The following ABCC2 variants were observed in gnomAD, a reference collection of about 807,000 sequenced individuals.
ABCC2 encodes ATP binding cassette subfamily C member 2, also known as ATP-binding cassette sub-family C member 2.
Under a neutral mutation model 173.4 loss-of-function variants are expected in ABCC2, and 157 were observed. The observed-to-expected ratio is 0.91, with a 90% CI of 0.80 to 1.03. The LOEUF (loss-of-function observed/expected upper bound fraction) is 1.03, where lower values mean the gene tolerates loss of function less well. ABCC2 is among the 50% of genes least tolerant of loss of function. The pLI is 0.00. For missense variants in ABCC2, 1,822 were observed against 1,852.3 expected (o/e 0.98, Z 0.30); for synonymous variants, 657 against 693.5 (o/e 0.95, Z 0.83).
At chr10:99,817,731 G>A (rs2038448079) in intron 17 of ABCC2, among the ~76,000 whole-genome samples, 1 of 152,132 alleles carries the variant, frequency 6.6e-6, no homozygotes, top group Non-Finnish European at 1.5e-5. Flanking sequence ...AGATGATGAG[G>A]CAAAGGCCAT....
intron 7 of ABCC2, 129 bp downstream of exon 7, chr10:99,797,460 T>C (rs2037938616): frequency 2.5e-6 from 2 of 810,774 alleles, no homozygotes; most frequent in African/African-American, 1.7e-5. Flanking sequence ...ATATTATTAA[T>C]GGTATTCACA....
chr10:99,846,267 C>T (rs935858436), intron 29 of ABCC2, among the ~76,000 whole-genome samples: 77 of 152,330 alleles, frequency 5.1e-4, no homozygotes, highest in African/African-American at 1.8e-3. Flanking sequence ...TAAGGACTGC[C>T]GCGAGGCCTC....
rs137915041 is a variant in ABCC2 at position 99,814,658 on chromosome 10, T to C, written c.2094+1514T>C. ...GTGTATATACACATATACACACACA[T>C]ATGTGTATATACACATATACACACA... On this transcript the variant is annotated intron_variant, in intron 16 of 31. Coordinates refer to ENST00000647814, the MANE Select transcript of ABCC2 (RefSeq NM_000392.5). Among the ~76,000 whole-genome samples, 50 of 119,760 alleles carry C rather than the reference T, an allele frequency of 4.2e-4. No homozygotes were observed. The East Asian group carries it at 7.2e-3, about 17-fold the overall frequency. 78.6% of individuals were successfully genotyped at this position (119,760 alleles called of 152,430 possible).
rs747631201 is a variant in ABCC2, at chr10:99,819,172, G to T, written c.2523G>T (p.Glu841Asp). 4 of 1,614,032 alleles carry T rather than the reference G, an allele frequency of 2.5e-6. No homozygotes were observed. The East Asian group carries it at 8.9e-5, about 36-fold the overall frequency. Residue 841 changes from glutamate to aspartate, a missense_variant, in exon 19 of 32, where the codon GAG becomes GAT. Transcript: ENST00000647814. Reference sequence around the variant, plus strand: ...TTCTGGGGAATGGAACAATTGTAGAGAAAGGATCCTACAGTGCTCTCCTGG... The same window carrying T: ...TTCTGGGGAATGGAACAATTGTAGATAAAGGATCCTACAGTGCTCTCCTGG... Reference protein sequence around the residue: ...IVVLGNGTIVEKGSYSALLAK... With the variant: ...IVVLGNGTIVDKGSYSALLAK...
chr10:99,844,646 A>C (rs1213106281), intron 28 of ABCC2, among the ~76,000 whole-genome samples, 181 bp downstream of exon 28: 2 of 152,008 alleles, frequency 1.3e-5, no homozygotes, highest in African/African-American at 4.8e-5. Context: ...GCAGCCAGGG[A>C]TCACACAGAC....
rs769209663 is a variant in ABCC2, at chr10:99,794,442, T to C, written c.606T>C (p.Ser202=). 13 of 1,614,042 alleles carry C rather than the reference T, an allele frequency of 8.1e-6. No individual in the cohort carries two copies. The highest frequency in any genetic ancestry group is 6.8e-6 in the Non-Finnish European group (8 of 1,179,928). Residue 202 remains serine, a synonymous_variant, in exon 6 of 32, where the codon AGT becomes AGC. Transcript: ENST00000647814. ...CATCATCCATAGCTTCATTCCTGAG[T>C]AGCATTACCTACAGCTGGTATGACA... The part of the protein sequence containing the change: ...NNPSSIASFL[S]SITYSWYDSI...
rs541411398 is a variant in ABCC2 at position 99,843,956 on chromosome 10, C to T, written c.3843+56C>T. On this transcript the variant is annotated intron_variant, in intron 27 of 31. Transcript: ENST00000647814. ...AGGCAAAAACAACATGCAACTCCTT[C>T]GAGAGTGCATCTTTAGAATTTCTCC... The T allele has an allele frequency of 1.5e-4, 200 of 1,342,098 alleles. 1 individual carries two copies. In the African/African-American group the frequency reaches 2.6e-3, roughly 18 times the overall value. 83.1% of individuals were successfully genotyped at this position (1,342,098 alleles called of 1,614,324 possible). A position where few individuals can be genotyped will look rare whatever the true frequency, so the allele number is the denominator to read the frequency against.
At chr10:99,833,447 T>C (rs1385126001) in intron 23 of ABCC2, among the ~76,000 whole-genome samples, 3 of 152,086 alleles carry the variant, frequency 2.0e-5, no homozygotes, top group African/African-American at 7.2e-5. Flanking sequence ...GTATGTTTCG[T>C]TGGGGAGGTG....
Position 99,842,082 on chromosome 10 carries a change from A to G in ABCC2, c.3730A>G (p.Asn1244Asp). Residue 1244 changes from asparagine to aspartate, a missense_variant, in exon 26 of 32, where the codon AAT becomes GAT. Coordinates refer to ENST00000647814, the MANE Select transcript of ABCC2 (RefSeq NM_000392.5). ...GGACACTGTTGGCTTTGTTCTGTCC[A>G]ATGCACTCAATGTGAGTTTGAAGGT... ...SGDTVGFVLS[N>D]ALNITQTLNW... 6.2e-7 allele frequency: 1 copy of G among 1,614,142 alleles called. No homozygotes were observed. The highest frequency in any genetic ancestry group is 8.5e-7 in the Non-Finnish European group (1 of 1,180,002).
At chr10:99,809,075 T>C (rs1321110115) in intron 13 of ABCC2, among the ~76,000 whole-genome samples, 1 of 152,148 alleles carries the variant, frequency 6.6e-6, no homozygotes, top group East Asian at 1.9e-4. Flanking sequence ...AAGGGTCAGA[T>C]GGTGGCTGGG....
At chr10:99,831,519 G>T in intron 21 of ABCC2, 92 bp from the exon 22 acceptor site, 2 of 1,259,880 alleles carry the variant, frequency 1.6e-6, no homozygotes, top group Non-Finnish European at 2.3e-6. Context: ...GCTCCCAGGG[G>T]ACTCCACTTC....
chr10:99,841,321 G>A (rs902529075), intron 25 of ABCC2, among the ~76,000 whole-genome samples: 1 of 152,168 alleles, frequency 6.6e-6, no homozygotes, highest in Non-Finnish European at 1.5e-5. Context: ...GGGAGACTGA[G>A]GCAAGCAGAA....
At chr10:99,799,183 A>C in intron 7 of ABCC2, 24 bp from the exon 8 acceptor site, 1 of 1,613,632 alleles carries the variant, frequency 6.2e-7, no homozygotes, top group Non-Finnish European at 8.5e-7. Context: ...CTCTGTGGAC[A>C]CTGTTGTTTG....
intron 24 of ABCC2, among the ~76,000 whole-genome samples, chr10:99,835,009 C>G (rs1014428688): frequency 6.6e-6 from 1 of 152,188 alleles, no homozygotes; most frequent in Non-Finnish European, 1.5e-5. Context: ...TCTAGTTTCA[C>G]TGGGGTGTCT....
chr10:99,832,205 T>A, intron 23 of ABCC2, 74 bp downstream of exon 23: 1 of 1,568,130 alleles, frequency 6.4e-7, no homozygotes, highest in Non-Finnish European at 8.8e-7. Flanking sequence ...AATTATTATG[T>A]CCCCCTAGAC....
Position 99,816,409 on chromosome 10 carries a change from G to A in ABCC2, c.2095-899G>A, listed in dbSNP as rs566625725. 5.9e-5 allele frequency among the ~76,000 whole-genome samples: 9 copies of A among 151,894 alleles called. No homozygotes were observed. The East Asian group carries it at 9.7e-4, about 16-fold the overall frequency. On this transcript the variant is annotated intron_variant, in intron 16 of 31. Transcript: ENST00000647814. ...AGCGATTCTCCTGCCTCAGCCTCCC[G>A]AGTAGCTGGGATTACAGACTTGTGC... is the stretch of plus-strand genomic sequence containing the variant.
intron 16 of ABCC2, among the ~76,000 whole-genome samples, 186 bp from the exon 17 acceptor site, chr10:99,817,122 G>C (rs1479054902): frequency 6.6e-6 from 1 of 152,178 alleles, no homozygotes; most frequent in African/African-American, 2.4e-5. Flanking sequence ...ATGGTGAAGA[G>C]GATATTGAGT....
chr10:99,814,534 CAT>C (rs1490558032), intron 16 of ABCC2, among the ~76,000 whole-genome samples: 7 of 121,672 alleles, frequency 5.8e-5, no homozygotes, highest in Non-Finnish European at 1.1e-4. Flanking sequence ...TATATATACA[CAT>C]ATACACACAC....
intron 2 of ABCC2, 89 bp downstream of exon 2, chr10:99,784,870 T>G: frequency 6.6e-7 from 1 of 1,519,910 alleles, no homozygotes; most frequent in Non-Finnish European, 9.0e-7. Flanking sequence ...TTCCTTGTCT[T>G]TAAGCAGCTG....
Sources: gnomAD v4.1 joint callset for allele counts (sites outside exome capture counted in the v4.1 genomes callset) on GRCh38, gnomAD v4.1.1 for gene constraint, MANE v1.5 for transcripts, NCBI Gene and HGNC (gene_info 2026-07-23, HGNC 2026-07-21) for gene names.